Variants in RFX3 observed in about 807,000 individuals in gnomAD.
RFX3 encodes regulatory factor X3.
In RFX3, 14 loss-of-function variants were observed where a neutral mutation model predicts 98.6. That is an observed-to-expected ratio of 0.14 (90% CI 0.09 to 0.22). The LOEUF (loss-of-function observed/expected upper bound fraction) is 0.22. Among genes scored for constraint, RFX3 ranks in the 10% least tolerant of loss-of-function variants. The pLI is 1.00. For synonymous variants in RFX3, 383 were observed against 328.4 expected (o/e 1.17, Z -1.80); for missense variants, 639 against 926.9 (o/e 0.69, Z 4.03).
At chr9:3,376,754 A>AC (rs1343788706) in intron 2 of RFX3, among the ~76,000 whole-genome samples, 2 of 152,302 alleles carry the variant, frequency 1.3e-5, no homozygotes, top group African/African-American at 4.8e-5. Context: ...CAAGAAAAAA[A>AC]CAAACAACCC....
At chr9:3,409,404 T>C (rs1842269515) in intron 1 of RFX3, among the ~76,000 whole-genome samples, 1 of 152,258 alleles carries the variant, frequency 6.6e-6, no homozygotes, top group Non-Finnish European at 1.5e-5. Flanking sequence ...GGCATTCAGC[T>C]GCGTTAGACT....
chr9:3,491,280 A>G (rs753925017), intron 1 of RFX3, among the ~76,000 whole-genome samples: 1 of 152,158 alleles, frequency 6.6e-6, no homozygotes, highest in African/African-American at 2.4e-5. Flanking sequence ...TTTAGGTGAT[A>G]ACAAACCAGA....
chr9:3,394,050 T>A (rs919795012), intron 2 of RFX3, among the ~76,000 whole-genome samples: 6 of 152,212 alleles, frequency 3.9e-5, no homozygotes, highest in African/African-American at 1.2e-4. Flanking sequence ...CATGTAACAC[T>A]TTTTGTAGAT....
intron 1 of RFX3, among the ~76,000 whole-genome samples, chr9:3,435,918 G>C (rs1845084897): frequency 6.6e-6 from 1 of 151,548 alleles, no homozygotes; most frequent in Non-Finnish European, 1.5e-5. Context: ...TAGATCAAGA[G>C]TGAATCATCT....
chr9:3,525,593 G>A (rs1330328070), intron 1 of RFX3, among the ~76,000 whole-genome samples, 154 bp downstream of exon 1: 1 of 152,002 alleles, frequency 6.6e-6, no homozygotes, highest in Non-Finnish European at 1.5e-5. Flanking sequence ...AGAGCCCCTC[G>A]GCGGCGGCGC....
intron 1 of RFX3, among the ~76,000 whole-genome samples, chr9:3,404,413 G>T (rs1448881381): frequency 6.6e-6 from 1 of 152,102 alleles, no homozygotes; most frequent in Non-Finnish European, 1.5e-5. Flanking sequence ...GTAAAAATCA[G>T]TAAAATTTCA....
chr9:3,515,931 T>C lies in RFX3; in HGVS notation c.-9+9816A>G, dbSNP rs554579103. Among the ~76,000 whole-genome samples, 144 of 152,108 alleles carry C rather than the reference T, an allele frequency of 9.5e-4. 1 individual carries two copies. The highest frequency in any genetic ancestry group is 1.8e-3 in the Non-Finnish European group (123 of 67,984). On this transcript the variant is annotated intron_variant, in intron 1 of 16. Transcript: ENST00000617270. ...CTCCCCTATTAGGCTGGTAAAAGAG[T>C]TGAGTTACAGCAGAATATATGACTT...
At chr9:3,248,791 T>C (rs1821010949) in intron 14 of RFX3, among the ~76,000 whole-genome samples, 1 of 152,198 alleles carries the variant, frequency 6.6e-6, no homozygotes, top group African/African-American at 2.4e-5. Context: ...TTAAGGCACA[T>C]TTACATTAGA....
At chr9:3,293,644 A>G (rs907868142) in intron 5 of RFX3, among the ~76,000 whole-genome samples, 2 of 152,210 alleles carry the variant, frequency 1.3e-5, no homozygotes, top group Admixed American at 1.3e-4. Flanking sequence ...GCCTGGTAGC[A>G]TGGTAAACAG....
intron 2 of RFX3, among the ~76,000 whole-genome samples, chr9:3,366,578 A>G (rs939380892): frequency 6.6e-6 from 1 of 152,082 alleles, no homozygotes; most frequent in Non-Finnish European, 1.5e-5. Flanking sequence ...TTCTGAGATT[A>G]AATAAAACAA....
intron 1 of RFX3, among the ~76,000 whole-genome samples, chr9:3,445,355 G>C (rs1338953393): frequency 6.6e-6 from 1 of 151,832 alleles, no homozygotes; most frequent in Non-Finnish European, 1.5e-5. Flanking sequence ...ATTTATCATA[G>C]GCCTAGAAAT....
rs562964089 is a variant in RFX3, at chr9:3,321,151, G to A, written c.474+9108C>T. Among the ~76,000 whole-genome samples the A allele has an allele frequency of 9.2e-5, 14 of 152,068 alleles. No individual in the cohort carries two copies. The East Asian group carries it at 2.7e-3, about 29-fold the overall frequency. The stretch of plus-strand genomic sequence containing the variant: ...ACTCCTGACCTCAGGTGATCCACCC[G>A]CCTCAGGCTCCCAAACTGCTGGGAT... On this transcript the variant is annotated intron_variant, in intron 4 of 16. Coordinates refer to ENST00000617270, the MANE Select transcript of RFX3 (RefSeq NM_001282116.2).
intron 4 of RFX3, among the ~76,000 whole-genome samples, chr9:3,311,159 T>C (rs2986701): frequency 0.13 from 19,077 of 152,224 alleles, 1,257 homozygotes; most frequent in Middle Eastern, 0.19. Flanking sequence ...GTGAAAACTG[T>C]AAATTTTTTA....
At chr9:3,324,746 T>A in intron 4 of RFX3, among the ~76,000 whole-genome samples, 1 of 152,116 alleles carries the variant, frequency 6.6e-6, no homozygotes. Flanking sequence ...GCAGATCACC[T>A]GAGGTCAGGA....
rs1467734382 is a variant in RFX3, at chr9:3,505,315, T to A, written c.-9+20432A>T. Among the ~76,000 whole-genome samples the A allele has an allele frequency of 1.1e-3, 68 of 63,366 alleles. 7 individuals are homozygous for A. The highest frequency in any genetic ancestry group is 6.3e-3 in the African/African-American group (52 of 8,228). 41.6% of individuals were successfully genotyped at this position (63,366 alleles called of 152,430 possible). On this transcript the variant is annotated intron_variant, in intron 1 of 16. Transcript: ENST00000617270. The stretch of plus-strand genomic sequence containing the variant: ...ATATTTATATATATATAAATATATA[T>A]TAATGTATATTTATATTTTATATAA...
At chr9:3,234,778 G>A (rs1818915902) in intron 15 of RFX3, among the ~76,000 whole-genome samples, 2 of 152,216 alleles carry the variant, frequency 1.3e-5, no homozygotes, top group Non-Finnish European at 2.9e-5. Context: ...GGAACAGCTT[G>A]TAAGACCCTG....
At chr9:3,384,772 C>A (rs1474075643) in intron 2 of RFX3, among the ~76,000 whole-genome samples, 1 of 152,108 alleles carries the variant, frequency 6.6e-6, no homozygotes, top group African/African-American at 2.4e-5. Context: ...CCACCTAACA[C>A]CCTACTTCAA....
intron 1 of RFX3, among the ~76,000 whole-genome samples, chr9:3,436,234 T>C (rs1845110409): frequency 6.6e-6 from 1 of 152,084 alleles, no homozygotes; most frequent in Non-Finnish European, 1.5e-5. Context: ...TCAGAAGTTA[T>C]CCCAATATCC....
intron 1 of RFX3, among the ~76,000 whole-genome samples, chr9:3,482,253 A>G (rs1162597632): frequency 6.6e-6 from 1 of 151,936 alleles, no homozygotes; most frequent in Non-Finnish European, 1.5e-5. Context: ...GTATGACCCA[A>G]TTTTCATAAT....
Sources: allele counts gnomAD v4.1 joint callset (sites outside exome capture counted in the v4.1 genomes callset), GRCh38; gene constraint gnomAD v4.1.1; transcripts MANE v1.5; gene names NCBI Gene and HGNC (gene_info 2026-07-23, HGNC 2026-07-21).